Variants in NDUFAF2 observed in about 807,000 individuals in gnomAD.
NDUFAF2 encodes the protein NADH dehydrogenase [ubiquinone] 1 alpha subcomplex assembly factor 2.
A neutral mutation model predicts 22.8 loss-of-function variants in NDUFAF2; 13 were observed. That is an observed-to-expected ratio of 0.57 (90% CI 0.37 to 0.91). The LOEUF is 0.91. NDUFAF2 is among the 40% of genes least tolerant of loss of function. The probability of loss-of-function intolerance (pLI) is 0.01; values close to 1 mark genes in which losing one functional copy is unlikely to be tolerated. For missense variants in NDUFAF2, 162 were observed against 195.2 expected, an observed-to-expected ratio of 0.83 and a Z score of 1.01; for synonymous variants, 53 against 64.2, an observed-to-expected ratio of 0.83 and a Z score of 0.84.
At chr5:61,044,015 T>G (rs1751916519) in intron 1 of NDUFAF2, among the ~76,000 whole-genome samples, 1 of 152,134 alleles carries the variant, frequency 6.6e-6, no homozygotes, top group South Asian at 2.1e-4. Flanking sequence ...TGCCAACACT[T>G]GTTATCTTTT....
At chr5:61,104,673 G>T (rs558776558) in intron 3 of NDUFAF2, among the ~76,000 whole-genome samples, 2 of 151,970 alleles carry the variant, frequency 1.3e-5, no homozygotes, top group African/African-American at 4.8e-5. Flanking sequence ...AGGTTGCTTG[G>T]CCCTAAAGGA....
At chr5:61,025,185 A>C (rs529111104) in intron 1 of NDUFAF2, among the ~76,000 whole-genome samples, 157 of 151,968 alleles carry the variant, frequency 1.0e-3, no homozygotes, top group African/African-American at 3.7e-3. Context: ...GAGGTAAAGG[A>C]CTGTATTCTG....
intron 3 of NDUFAF2, among the ~76,000 whole-genome samples, chr5:61,134,137 G>A (rs374426246): frequency 6.6e-4 from 100 of 152,188 alleles, no homozygotes; most frequent in African/African-American, 2.4e-3. Flanking sequence ...TAGAATGTTC[G>A]TGATATATTG....
At chr5:61,003,171 G>A (rs1046762646) in intron 1 of NDUFAF2, among the ~76,000 whole-genome samples, 3 of 152,070 alleles carry the variant, frequency 2.0e-5, no homozygotes, top group African/African-American at 7.2e-5. Context: ...GTACTATTTG[G>A]CATTCTGTTG....
At chr5:61,010,584 T>C (rs926265397) in intron 1 of NDUFAF2, among the ~76,000 whole-genome samples, 9 of 152,100 alleles carry the variant, frequency 5.9e-5, no homozygotes, top group African/African-American at 1.9e-4. Context: ...CTGTGCTATA[T>C]GTTCTCATAG....
intron 2 of NDUFAF2, among the ~76,000 whole-genome samples, chr5:61,079,453 G>T (rs769669384): frequency 2.6e-5 from 4 of 152,218 alleles, no homozygotes; most frequent in Admixed American, 6.5e-5. Context: ...AAATTAAAAC[G>T]CTGAGTTCAT....
At chr5:61,057,445 G>C (rs1752113445) in intron 1 of NDUFAF2, among the ~76,000 whole-genome samples, 1 of 152,184 alleles carries the variant, frequency 6.6e-6, no homozygotes, top group African/African-American at 2.4e-5. Context: ...TGGTCTTTCT[G>C]CCCATTGGCA....
intron 2 of NDUFAF2, among the ~76,000 whole-genome samples, chr5:61,085,421 A>G (rs1327884996): frequency 2.6e-5 from 4 of 152,160 alleles, no homozygotes; most frequent in East Asian, 3.8e-4. Flanking sequence ...TAAGGGGGGA[A>G]AAAAACCTAC....
chr5:60,973,726 A>G (rs953978105), intron 1 of NDUFAF2, among the ~76,000 whole-genome samples: 1 of 152,148 alleles, frequency 6.6e-6, no homozygotes, highest in Non-Finnish European at 1.5e-5. Context: ...AATCACATGC[A>G]TTCTTAAGTT....
intron 1 of NDUFAF2, among the ~76,000 whole-genome samples, chr5:60,957,647 A>G (rs1297595904): frequency 6.6e-6 from 1 of 152,044 alleles, no homozygotes; most frequent in Non-Finnish European, 1.5e-5. Context: ...ACCCAGACAG[A>G]CCCCAGTGAA....
chr5:61,113,967 A>G (rs1417396096), intron 3 of NDUFAF2, among the ~76,000 whole-genome samples: 2 of 152,032 alleles, frequency 1.3e-5, no homozygotes, highest in African/African-American at 2.4e-5. Flanking sequence ...TTTATCCTTA[A>G]CCTTTGGGAG....
At chr5:60,981,620 A>G (rs1376605425) in intron 1 of NDUFAF2, among the ~76,000 whole-genome samples, 1 of 152,214 alleles carries the variant, frequency 6.6e-6, no homozygotes, top group East Asian at 1.9e-4. Context: ...AATAATAACT[A>G]AAACAATTTT....
rs537659348 is a variant in NDUFAF2, at chr5:61,013,283, A to G, written c.128-59842A>G. On this transcript the variant is annotated intron_variant, in intron 1 of 3. Transcript: ENST00000296597. ...TCATTTGAAACCCTCAAGCTTAATT[A>G]AATTTTTTTTTCAACACTTAATTTA... Among the ~76,000 whole-genome samples, 48 of 148,896 alleles carry G rather than the reference A, an allele frequency of 3.2e-4. 1 individual carries two copies. In the South Asian group the frequency reaches 4.4e-3, roughly 13 times the overall value.
chr5:61,126,076 T>C (rs940344875), intron 3 of NDUFAF2, among the ~76,000 whole-genome samples: 2 of 152,042 alleles, frequency 1.3e-5, no homozygotes, highest in African/African-American at 4.8e-5. Flanking sequence ...TAAATCTAGG[T>C]ATTTGCTTAA....
At chr5:60,948,628 A>C (rs949352709) in intron 1 of NDUFAF2, among the ~76,000 whole-genome samples, 1 of 151,032 alleles carries the variant, frequency 6.6e-6, no homozygotes, top group Non-Finnish European at 1.5e-5. Context: ...TGTGTTTATC[A>C]GTAGTTTATT....
intron 1 of NDUFAF2, among the ~76,000 whole-genome samples, chr5:61,050,139 T>G (rs1456311511): frequency 2.0e-5 from 3 of 152,056 alleles, no homozygotes; most frequent in Non-Finnish European, 2.9e-5. Flanking sequence ...ATATTTTTTT[T>G]GAGGAACTGC....
chr5:60,953,257 G>A (rs958414314), intron 1 of NDUFAF2, among the ~76,000 whole-genome samples: 2 of 151,984 alleles, frequency 1.3e-5, no homozygotes, highest in Non-Finnish European at 2.9e-5. Flanking sequence ...GAAGAAAGAC[G>A]AAAATGAGTT....
rs1752170202 is a variant in NDUFAF2 at position 61,061,971 on chromosome 5, A to G, written c.128-11154A>G. ...CATTGGTCACTGCTGAAGATGCTGC[A>G]TGGAATCACATTACTGTGGTGACAT... On this transcript the variant is annotated intron_variant, in intron 1 of 3. Transcript: ENST00000296597. Among the ~76,000 whole-genome samples, 3 of 152,218 alleles carry G rather than the reference A, an allele frequency of 2.0e-5. 1 individual carries two copies. The South Asian group carries it at 6.2e-4, about 32-fold the overall frequency.
chr5:60,989,576 C>A (rs1382959515), intron 1 of NDUFAF2, among the ~76,000 whole-genome samples: 2 of 152,176 alleles, frequency 1.3e-5, no homozygotes, highest in Middle Eastern at 6.8e-3. Flanking sequence ...TCATAAAAAA[C>A]AAGATCATGT....
Sources: gnomAD v4.1 joint callset for allele counts (sites outside exome capture counted in the v4.1 genomes callset) on GRCh38, gnomAD v4.1.1 for gene constraint, MANE v1.5 for transcripts, NCBI Gene and HGNC (gene_info 2026-07-23, HGNC 2026-07-21) for gene names.